Variants in HSPA12A observed in about 807,000 individuals in gnomAD.
HSPA12A encodes heat shock protein family A (Hsp70) member 12A, also known as heat shock 70 kDa protein 12A.
Under a neutral mutation model 69.2 loss-of-function variants are expected in HSPA12A, and 28 were observed. The ratio of observed to expected loss-of-function variants is 0.40; its 90% CI spans 0.30 to 0.55. The LOEUF is 0.55. HSPA12A is among the 20% of genes least tolerant of loss of function. The pLI is 0.38. For missense variants in HSPA12A, 686 were observed against 900.7 expected, an observed-to-expected ratio of 0.76 and a Z score of 3.05; for synonymous variants, 345 against 370.5, an observed-to-expected ratio of 0.93 and a Z score of 0.79.
In HSPA12A at chr10:116,675,302, G is replaced by C. The variant is rs782621389; in HGVS notation, c.1507C>G (p.Arg503Gly). The change falls in exon 12 of 12, where the codon CGG becomes GGG. Residue 503 changes from arginine (R) to glycine (G), a missense_variant. Coordinates refer to ENST00000369209, the MANE Select transcript of HSPA12A (RefSeq NM_025015.3). The surrounding 1 kb of genome is among the most constrained non-coding windows in gnomAD (Gnocchi z 5.2). ...CCCACGTCCTGGGGGATGATGATCC[G>C]GCACTGGTCCCCAAAAGCAGCCTGC... Reference protein sequence around the residue: ...AVQAAFGDQCRIIIPQDVGLT... With the variant: ...AVQAAFGDQCGIIIPQDVGLT... 2.5e-6 allele frequency: 4 copies of C among 1,613,256 alleles called. No homozygotes were observed. In the East Asian group the frequency reaches 8.9e-5, roughly 36 times the overall value.
intron 11 of HSPA12A, among the ~76,000 whole-genome samples, 198 bp downstream of exon 11, chr10:116,676,201 G>T (rs1314176571): frequency 6.6e-6 from 1 of 152,150 alleles, no homozygotes; most frequent in Non-Finnish European, 1.5e-5. Flanking sequence ...TTTGCAGTAC[G>T]AGGAGAGGGA....
chr10:116,825,822 G>T (rs1299775712), intron 2 of HSPA12A, among the ~76,000 whole-genome samples: 7 of 152,120 alleles, frequency 4.6e-5, no homozygotes, highest in African/African-American at 1.7e-4. Context: ...AAAAATCATT[G>T]AATTATACAC....
At chr10:116,817,510 A>AGTGT (rs747534676) in intron 2 of HSPA12A, among the ~76,000 whole-genome samples, 1 of 108,016 alleles carries the variant, frequency 9.3e-6, no homozygotes, top group Non-Finnish European at 1.7e-5. Context: ...GAGGAAATCC[A>AGTGT]GTGTGTGTGT....
upstream of HSPA12A, among the ~76,000 whole-genome samples, chr10:116,746,335 C>T (rs1413065891): frequency 2.6e-5 from 4 of 152,228 alleles, no homozygotes; most frequent in Non-Finnish European, 5.9e-5. Context: ...GGACATGATG[C>T]ACAGCATGGG....
chr10:116,720,945 CA>C (rs1850757207), intron 1 of HSPA12A, among the ~76,000 whole-genome samples: 3 of 152,218 alleles, frequency 2.0e-5, no homozygotes, highest in Admixed American at 2.0e-4. Context: ...GGGACACCCC[CA>C]GAGGCTAAAT....
chr10:116,743,728 G>A (rs1361081252), upstream of HSPA12A, among the ~76,000 whole-genome samples: 2 of 151,226 alleles, frequency 1.3e-5, no homozygotes, highest in African/African-American at 4.9e-5. Flanking sequence ...ATGACGGAAT[G>A]GGCAGAGAGC....
At chr10:116,804,912 T>C (rs911150259) in intron 2 of HSPA12A, among the ~76,000 whole-genome samples, 5 of 152,196 alleles carry the variant, frequency 3.3e-5, no homozygotes, top group Non-Finnish European at 7.3e-5. Context: ...ATTTTGAAGT[T>C]CAAAAAAGAT....
At chr10:116,700,917 T>C (rs1387264453) in intron 4 of HSPA12A, 26 bp downstream of exon 4, 11 of 1,607,566 alleles carry the variant, frequency 6.8e-6, no homozygotes, top group Non-Finnish European at 8.5e-6. Flanking sequence ...GCGGGGGACC[T>C]GGGCCCAGGG....
chr10:116,709,822 T>C (rs1554882892), intron 1 of HSPA12A, among the ~76,000 whole-genome samples: 1 of 152,192 alleles, frequency 6.6e-6, no homozygotes, highest in African/African-American at 2.4e-5. Flanking sequence ...CACTGAATCA[T>C]ACACTTAAAA....
exon 2 of HSPA12A, chr10:116,834,993 A>G: frequency 8.1e-7 from 1 of 1,231,508 alleles, no homozygotes; most frequent in Non-Finnish European, 1.0e-6. Flanking sequence ...CTTTACACCC[A>G]CAGAATCCGT....
intron 1 of HSPA12A, among the ~76,000 whole-genome samples, chr10:116,716,041 C>T (rs531003167): frequency 6.6e-6 from 1 of 152,256 alleles, no homozygotes; most frequent in Non-Finnish European, 1.5e-5. Context: ...CTGAGCAGCT[C>T]CCACTCTGGG....
At chr10:116,745,057 C>G (rs536549588), upstream of HSPA12A, among the ~76,000 whole-genome samples, 63 of 152,300 alleles carry the variant, frequency 4.1e-4, no homozygotes, top group African/African-American at 1.5e-3. Context: ...GGTCACTCCC[C>G]CGGACACATC....
At position 116,682,016 on chromosome 10, in the gene HSPA12A, G is replaced by A. The variant is rs1393921639; in HGVS notation, c.836-139C>T. ...ACATTTGACCAAAATAAGTCAATAC[G>A]ATGTCGGGAATCACAAAGCCAGCTC... is the stretch of plus-strand genomic sequence containing the variant. On this transcript the variant is annotated intron_variant, in intron 7 of 11. Coordinates refer to ENST00000369209, the MANE Select transcript of HSPA12A (RefSeq NM_025015.3). The A allele has an allele frequency of 1.0e-5, 7 of 689,462 alleles. No individual in the cohort carries two copies. The East Asian group carries it at 1.1e-4, about 11-fold the overall frequency. The allele number at this position is 689,462 out of a possible 1,614,324, so 42.7% of individuals were successfully genotyped here.
chr10:116,683,762 C>A, intron 7 of HSPA12A, 29 bp downstream of exon 7: 1 of 1,482,784 alleles, frequency 6.7e-7, no homozygotes, highest in South Asian at 1.4e-5. Context: ...GGAAGGAGAG[C>A]AGGAGGGGGA....
Position 116,765,321 on chromosome 10 carries a change from C to A in HSPA12A, c.92-58036G>T, listed in dbSNP as rs146598271. ...AAAGTCCAAATTAAACCTGAAACATCAAAAAAAATTTAAATTAAATAAGTA... is the reference window on the plus strand; with the variant it reads ...AAAGTCCAAATTAAACCTGAAACATAAAAAAAAATTTAAATTAAATAAGTA... On this transcript the variant is annotated intron_variant, in intron 2 of 12. Coordinates refer to the HSPA12A transcript ENST00000635765. Among the ~76,000 whole-genome samples, 456 of 151,664 alleles carry A rather than the reference C, an allele frequency of 3.0e-3. 1 individual carries two copies. The highest frequency in any genetic ancestry group is 0.011 in the African/African-American group (435 of 41,350).
At chr10:116,708,599 C>T (rs1850331245) in intron 1 of HSPA12A, among the ~76,000 whole-genome samples, 1 of 152,182 alleles carries the variant, frequency 6.6e-6, no homozygotes, top group South Asian at 2.1e-4. Flanking sequence ...CTCAAATCTG[C>T]ACAGCCACCT....
intron 2 of HSPA12A, 72 bp downstream of exon 2, chr10:116,707,128 C>T (rs1210259282): frequency 6.4e-6 from 8 of 1,246,016 alleles, no homozygotes; most frequent in Admixed American, 2.2e-5. Context: ...TCAGTACGCA[C>T]GTGTGCTCAT....
intron 2 of HSPA12A, among the ~76,000 whole-genome samples, chr10:116,787,441 A>C (rs1354408285): frequency 1.6e-5 from 1 of 63,470 alleles, no homozygotes; most frequent in Non-Finnish European, 3.6e-5. Context: ...TCTAGCCAGC[A>C]AAAAAAAAAA....
At position 116,799,674 on chromosome 10, in the gene HSPA12A, G is replaced by A. The variant is rs534181347; in HGVS notation, c.91+35261C>T. 5.3e-5 allele frequency among the ~76,000 whole-genome samples: 8 copies of A among 152,322 alleles called. 1 individual carries two copies. The South Asian group carries it at 1.7e-3, about 32-fold the overall frequency. The stretch of plus-strand genomic sequence containing the variant: ...CTGGCCTCCAGAGGTGGCCTGCTAA[G>A]CCCACACCGGCCCTGTGCCTCACCT... On this transcript the variant is annotated intron_variant, in intron 2 of 12. Coordinates refer to the HSPA12A transcript ENST00000635765.
Sources: gnomAD v4.1 joint callset for allele counts (sites outside exome capture counted in the v4.1 genomes callset) on GRCh38, gnomAD v4.1.1 for gene constraint, Gnocchi (gnomAD v3.1) non-coding constraint, MANE v1.5 for transcripts, NCBI Gene and HGNC (gene_info 2026-07-23, HGNC 2026-07-21) for gene names.